The following LOC128092253 variants were observed in gnomAD, a reference collection of about 807,000 sequenced individuals.
At chr6:133,961,887 A>G in the LOC128092253 span, among the ~76,000 whole-genome samples, 2 of 152,158 alleles carry the variant, frequency 1.3e-5, no homozygotes, top group South Asian at 2.1e-4. Flanking sequence ...TTATTTTGTC[A>G]GCCTATTTGT....
chr6:133,954,570 A>C, the LOC128092253 span, among the ~76,000 whole-genome samples: 1 of 152,250 alleles, frequency 6.6e-6, no homozygotes, highest in Admixed American at 6.5e-5. Context: ...TATACTTTAC[A>C]AAATCATTTT....
At chr6:133,963,047 A>G in the LOC128092253 span, among the ~76,000 whole-genome samples, 4 of 152,264 alleles carry the variant, frequency 2.6e-5, no homozygotes, top group Admixed American at 6.5e-5. Context: ...AAAGTGTGCC[A>G]TTGAATTCAG....
chr6:133,963,418 TGTCTTTTG>T, the LOC128092253 span, among the ~76,000 whole-genome samples: 2 of 152,180 alleles, frequency 1.3e-5, no homozygotes, highest in African/African-American at 2.4e-5. Context: ...TCTGTTGTTT[TGTCTTTTG>T]GTCTTTTTAT....
the LOC128092253 span, among the ~76,000 whole-genome samples, chr6:133,963,185 C>G: frequency 4.6e-5 from 7 of 152,152 alleles, no homozygotes; most frequent in Non-Finnish European, 8.8e-5. Flanking sequence ...TCTTGATGTT[C>G]TCTGAAAAAC....
the LOC128092253 span, among the ~76,000 whole-genome samples, chr6:133,975,513 TAAAAAAG>T: frequency 6.6e-6 from 1 of 151,972 alleles, no homozygotes; most frequent in Non-Finnish European, 1.5e-5. Context: ...TCCTGAGAAT[TAAAAAAG>T]AAAAAAGAAA....
the LOC128092253 span, among the ~76,000 whole-genome samples, chr6:133,966,822 C>T: frequency 7.0e-6 from 1 of 143,732 alleles, no homozygotes; most frequent in South Asian, 2.1e-4. Flanking sequence ...TTTCAAACCA[C>T]AGTACTACCA....
At chr6:133,971,481 A>T in the LOC128092253 span, among the ~76,000 whole-genome samples, 2 of 152,088 alleles carry the variant, frequency 1.3e-5, no homozygotes, top group Non-Finnish European at 2.9e-5. Flanking sequence ...TTTTTTGAGG[A>T]ACTTCTATAC....
At chr6:133,957,684 A>C in the LOC128092253 span, among the ~76,000 whole-genome samples, 1 of 152,238 alleles carries the variant, frequency 6.6e-6, no homozygotes, top group South Asian at 2.1e-4. Flanking sequence ...GTTCAGCATC[A>C]TGGCTGTGCT....
At chr6:133,967,472 C>T in the LOC128092253 span, among the ~76,000 whole-genome samples, 1 of 152,164 alleles carries the variant, frequency 6.6e-6, no homozygotes, top group African/African-American at 2.4e-5. Flanking sequence ...AGTCATGCAT[C>T]GCTTAATGAC....
At chr6:133,969,042 C>T in the LOC128092253 span, 2 of 152,246 alleles carry the variant, frequency 1.3e-5, no homozygotes, top group East Asian at 3.9e-4. Context: ...ACTGTTTAAA[C>T]ATTATTAAGA....
the LOC128092253 span, among the ~76,000 whole-genome samples, chr6:133,962,533 G>A: frequency 1.3e-5 from 2 of 152,226 alleles, no homozygotes; most frequent in African/African-American, 4.8e-5. Context: ...AGAATTACAA[G>A]GAGATAGAGC....
chr6:133,979,482 A>G, the LOC128092253 span, among the ~76,000 whole-genome samples: 1 of 152,166 alleles, frequency 6.6e-6, no homozygotes, highest in Non-Finnish European at 1.5e-5. Flanking sequence ...CCTGGAACGT[A>G]GTGTTTGTAG....
the LOC128092253 span, among the ~76,000 whole-genome samples, chr6:133,971,081 G>T: frequency 6.6e-6 from 1 of 151,292 alleles, no homozygotes; most frequent in Non-Finnish European, 1.5e-5. Context: ...ACCAACCTCC[G>T]TTCATTCTCA....
At chr6:133,960,495 T>G in the LOC128092253 span, among the ~76,000 whole-genome samples, 1 of 151,622 alleles carries the variant, frequency 6.6e-6, no homozygotes, top group Non-Finnish European at 1.5e-5. Flanking sequence ...AAACTTCCAC[T>G]TCAGTGCGCA....
the LOC128092253 span, among the ~76,000 whole-genome samples, chr6:133,961,934 A>G: frequency 6.6e-6 from 1 of 152,032 alleles, no homozygotes; most frequent in Admixed American, 6.6e-5. Context: ...CTGCCATGAG[A>G]GTTGCTTGCC....
chr6:133,966,120 G>T, the LOC128092253 span, among the ~76,000 whole-genome samples: 2 of 152,158 alleles, frequency 1.3e-5, no homozygotes, highest in African/African-American at 4.8e-5. Flanking sequence ...GTGTGTGTGT[G>T]TCGTGTGGGT....
At chr6:133,961,328 C>G in the LOC128092253 span, among the ~76,000 whole-genome samples, 3 of 152,138 alleles carry the variant, frequency 2.0e-5, no homozygotes, top group African/African-American at 7.2e-5. Flanking sequence ...AGCTTGGTGT[C>G]TGCAGTTCAG....
the LOC128092253 span, among the ~76,000 whole-genome samples, chr6:133,968,616 A>G: frequency 6.6e-6 from 1 of 152,292 alleles, no homozygotes; most frequent in South Asian, 2.1e-4. Context: ...GAACTAGTCC[A>G]CTGTCGTGTA....
the LOC128092253 span, among the ~76,000 whole-genome samples, chr6:133,963,995 C>T: frequency 6.6e-6 from 1 of 152,004 alleles, no homozygotes. Context: ...GAGCCGAGAT[C>T]GTGACACTGC....
Sources: gnomAD v4.1 joint callset for allele counts (sites outside exome capture counted in the v4.1 genomes callset) on GRCh38, gnomAD v4.1.1 for gene constraint, MANE v1.5 for transcripts.